Variants in THSD4 observed in about 807,000 individuals in gnomAD.
THSD4 encodes thrombospondin type-1 domain-containing protein 4.
A neutral mutation model predicts 119.0 loss-of-function variants in THSD4; 69 were observed. The ratio of observed to expected loss-of-function variants is 0.58; its 90% confidence interval spans 0.48 to 0.71. The LOEUF is 0.71. Among genes scored for constraint, THSD4 ranks in the 30% least tolerant of loss-of-function variants. The pLI, the probability that THSD4 is intolerant of heterozygous loss-of-function variation, is 0.00. For synonymous variants in THSD4, 524 were observed against 540.4 expected (o/e 0.97, Z 0.42); for missense variants, 1,393 against 1,391.1 (o/e 1.00, Z -0.02).
chr15:71,519,313 G>C (rs952247167), intron 7 of THSD4, among the ~76,000 whole-genome samples: 3 of 152,140 alleles, frequency 2.0e-5, no homozygotes, highest in Non-Finnish European at 4.4e-5. Context: ...AGTGTAATGG[G>C]ACACCACAGG....
chr15:71,128,526 CAAAAA>C (rs60507084), intron 1 of THSD4, among the ~76,000 whole-genome samples: 2 of 131,758 alleles, frequency 1.5e-5, no homozygotes, highest in African/African-American at 5.7e-5. Context: ...GACTCTGCCT[CAAAAA>C]AAAAAAAAAA....
rs67682951 is a variant in THSD4, at chr15:71,633,269, CTTTTT to C, written c.1153-27242_1153-27238del. ...TTCTTTTCTTTTTCTTTCTTTCTTT[CTTTTT>C]TTTTTTTTTTTTTTTTTTGGAGACA... On this transcript the variant is annotated intron_variant, in intron 7 of 17. Coordinates refer to ENST00000261862, the MANE Select transcript of THSD4 (RefSeq NM_024817.3). Among the ~76,000 whole-genome samples the C allele has an allele frequency of 1.3e-3, 84 of 63,168 alleles. 1 individual carries two copies. Among genetic ancestry groups the C allele is most frequent in the Non-Finnish European group, 5.0e-4 (17 of 33,806 alleles). The allele number at this position is 63,168 out of a possible 152,430, so 41.4% of individuals were successfully genotyped here.
intron 7 of THSD4, chr15:71,547,582 G>A: frequency 7.3e-7 from 1 of 1,374,388 alleles, no homozygotes; most frequent in Non-Finnish European, 9.8e-7. Context: ...ATTTTATGGG[G>A]TGCAAAGAGT....
intron 6 of THSD4, among the ~76,000 whole-genome samples, chr15:71,293,719 A>G (rs748653368): frequency 6.6e-5 from 10 of 152,054 alleles, no homozygotes; most frequent in Non-Finnish European, 1.3e-4. Context: ...TTATTTGTGG[A>G]TATCTCCTCT....
At chr15:71,451,051 A>G (rs2047257217) in intron 7 of THSD4, among the ~76,000 whole-genome samples, 1 of 152,086 alleles carries the variant, frequency 6.6e-6, no homozygotes, top group Admixed American at 6.6e-5. Context: ...GGTGGCACAC[A>G]CCTATAATCC....
chr15:71,187,549 T>C (rs1341091644), intron 3 of THSD4: 1 of 152,650 alleles, frequency 6.6e-6, no homozygotes, highest in Non-Finnish European at 1.5e-5. Flanking sequence ...TCATTCTCTC[T>C]GAGAAACTTA....
At chr15:71,374,412 C>G (rs1338459539) in intron 6 of THSD4, among the ~76,000 whole-genome samples, 1 of 152,142 alleles carries the variant, frequency 6.6e-6, no homozygotes, top group Middle Eastern at 3.2e-3. Flanking sequence ...TACTTCTTAT[C>G]CCATCTAAAG....
At chr15:71,740,226 A>C in intron 11 of THSD4, among the ~76,000 whole-genome samples, 1 of 152,350 alleles carries the variant, frequency 6.6e-6, no homozygotes, top group African/African-American at 2.4e-5. Context: ...ATGTCTTGAC[A>C]GAGTCAGAAA....
rs903829154 is a variant in THSD4, at chr15:71,418,376, A to T, written c.1152+6553A>T. 1.3e-3 allele frequency among the ~76,000 whole-genome samples: 143 copies of T among 108,560 alleles called. 34 individuals are homozygous for T. The highest frequency in any genetic ancestry group is 4.3e-3 in the African/African-American group (138 of 31,910). 71.2% of individuals were successfully genotyped at this position (108,560 alleles called of 152,430 possible). A position where few individuals can be genotyped will look rare whatever the true frequency, so the allele number is the denominator to read the frequency against. ...GGCTTTTGGTTTTTCTCTATTCAGTATGAAACTGGCTGTGGGTCTGTCATA... is the reference window on the plus strand; with the variant it reads ...GGCTTTTGGTTTTTCTCTATTCAGTTTGAAACTGGCTGTGGGTCTGTCATA... On this transcript the variant is annotated intron_variant, in intron 7 of 17. Coordinates refer to ENST00000261862, the MANE Select transcript of THSD4 (RefSeq NM_024817.3).
intron 3 of THSD4, among the ~76,000 whole-genome samples, chr15:71,162,006 A>G (rs548577468): frequency 2.6e-4 from 39 of 152,208 alleles, no homozygotes; most frequent in African/African-American, 9.4e-4. Flanking sequence ...GTTGCATTAA[A>G]GTACTTTACA....
chr15:71,234,723 A>G (rs1294026327), intron 4 of THSD4, among the ~76,000 whole-genome samples: 1 of 152,202 alleles, frequency 6.6e-6, no homozygotes, highest in Non-Finnish European at 1.5e-5. Context: ...TGACGGATAA[A>G]GCTCAGTTTT....
At chr15:71,703,257 G>A (rs922399917) in intron 8 of THSD4, among the ~76,000 whole-genome samples, 1 of 152,174 alleles carries the variant, frequency 6.6e-6, no homozygotes, top group South Asian at 2.1e-4. Context: ...TTATAGGCGT[G>A]AGCCACCACA....
chr15:71,266,152 C>T (rs773957945), intron 6 of THSD4, among the ~76,000 whole-genome samples: 3 of 152,224 alleles, frequency 2.0e-5, no homozygotes, highest in Non-Finnish European at 4.4e-5. Flanking sequence ...GACCCCTGTG[C>T]CTTCTGACTG....
chr15:71,771,043 T>A (rs775658740), intron 16 of THSD4, 21 bp from the exon 17 acceptor site: 75 of 1,610,290 alleles, frequency 4.7e-5, no homozygotes, highest in Non-Finnish European at 5.6e-5. Context: ...AATCTGATGT[T>A]TTCCCTTTGT....
intron 6 of THSD4, among the ~76,000 whole-genome samples, chr15:71,328,689 A>G (rs1354863626): frequency 6.6e-6 from 1 of 152,198 alleles, no homozygotes; most frequent in Non-Finnish European, 1.5e-5. Flanking sequence ...GGCTTATTAA[A>G]TGTGCTGAAT....
At chr15:71,524,658 G>A (rs1309206400) in intron 7 of THSD4, among the ~76,000 whole-genome samples, 1 of 130,574 alleles carries the variant, frequency 7.7e-6, no homozygotes, top group Non-Finnish European at 1.6e-5. Flanking sequence ...GTGCAGTGGT[G>A]CAGTCTCAGC....
intron 7 of THSD4, among the ~76,000 whole-genome samples, chr15:71,615,656 C>G (rs1388448316): frequency 1.3e-5 from 2 of 152,090 alleles, no homozygotes; most frequent in Non-Finnish European, 1.5e-5. Flanking sequence ...TTAACAATGT[C>G]AAAGGGAAAC....
chr15:71,151,004 A>T (rs1341500977), intron 2 of THSD4, among the ~76,000 whole-genome samples: 1 of 152,108 alleles, frequency 6.6e-6, no homozygotes, highest in Admixed American at 6.6e-5. Context: ...ATTCCATTGG[A>T]TAGAGAGAGA....
intron 7 of THSD4, among the ~76,000 whole-genome samples, chr15:71,619,130 C>G (rs987953871): frequency 6.6e-6 from 1 of 151,656 alleles, no homozygotes; most frequent in Non-Finnish European, 1.5e-5. Flanking sequence ...CCACCACGCC[C>G]GGCTAATTTT....
Sources: gnomAD v4.1 joint callset for allele counts (sites outside exome capture counted in the v4.1 genomes callset) on GRCh38, gnomAD v4.1.1 for gene constraint, MANE v1.5 for transcripts, NCBI Gene and HGNC (gene_info 2026-07-23, HGNC 2026-07-21) for gene names.